Variants in THSD7B observed in about 807,000 individuals in gnomAD.
THSD7B encodes the protein thrombospondin type 1 domain containing 7B, also known as thrombospondin type-1 domain-containing protein 7B.
A neutral mutation model predicts 213.6 loss-of-function variants in THSD7B; 138 were observed. The observed-to-expected ratio is 0.65, with a 90% confidence interval of 0.56 to 0.74. THSD7B has a LOEUF of 0.74. THSD7B is among the 30% of genes least tolerant of loss of function. The probability of loss-of-function intolerance (pLI) is 0.00; values close to 1 mark genes in which losing one functional copy is unlikely to be tolerated. For missense variants in THSD7B, 1,931 were observed against 1,991.5 expected, an observed-to-expected ratio of 0.97 and a Z score of 0.58; for synonymous variants, 742 against 687.0, an observed-to-expected ratio of 1.08 and a Z score of -1.25.
At chr2:137,666,509 T>G (rs1024980965) in intron 26 of THSD7B, among the ~76,000 whole-genome samples, 1 of 151,706 alleles carries the variant, frequency 6.6e-6, no homozygotes, top group Non-Finnish European at 1.5e-5. Context: ...TCAAAACAAG[T>G]GTTGTTTACA....
intron 2 of THSD7B, among the ~76,000 whole-genome samples, chr2:137,007,642 G>A (rs1026942186): frequency 6.6e-6 from 1 of 152,064 alleles, no homozygotes; most frequent in African/African-American, 2.4e-5. Context: ...TGTTGCAAAG[G>A]TACAACACAA....
chr2:136,994,774 C>G lies in THSD7B; in HGVS notation c.140-61646C>G, dbSNP rs555999221. ...ATTATATAAATAATAAGCATCAATA[C>G]TAACATTCAAATACAGATTACCCTC... On this transcript the variant is annotated intron_variant, in intron 2 of 27. Coordinates refer to ENST00000409968, the MANE Select transcript of THSD7B (RefSeq NM_001316349.2). Among the ~76,000 whole-genome samples the G allele has an allele frequency of 3.9e-5, 6 of 152,270 alleles. No individual in the cohort carries two copies. In the South Asian group the frequency reaches 1.2e-3, roughly 32 times the overall value.
intron 7 of THSD7B, among the ~76,000 whole-genome samples, chr2:137,229,007 G>A (rs1309528522): frequency 6.6e-6 from 1 of 152,160 alleles, no homozygotes; most frequent in Non-Finnish European, 1.5e-5. Context: ...TTCCAAAAGT[G>A]TGGCCCTCGA....
intron 4 of THSD7B, among the ~76,000 whole-genome samples, chr2:137,101,775 A>AAGTTCAAACTGGGTGG (rs1688155330): frequency 6.6e-6 from 1 of 152,150 alleles, no homozygotes; most frequent in Non-Finnish European, 1.5e-5. Flanking sequence ...AGCTGCTGGG[A>AAGTTCAAACTGGGTGG]AGTTCAAACT....
At position 136,882,095 on chromosome 2, in the gene THSD7B, T is replaced by C. The variant is rs148332719; in HGVS notation, c.-35-49T>C. 3.7e-4 allele frequency: 498 copies of C among 1,352,746 alleles called. 3 individuals carry two copies. The African/African-American group carries it at 6.3e-3, about 17-fold the overall frequency. The allele number at this position is 1,352,746 out of a possible 1,614,324, so 83.8% of individuals were successfully genotyped here. On this transcript the variant is annotated intron_variant, in intron 1 of 27. Coordinates refer to ENST00000409968, the MANE Select transcript of THSD7B (RefSeq NM_001316349.2). ...TTCTAGCAGTCAAAATGAGTTGTTA[T>C]CTTTTCTTTACAGAAGAAACTTACC... is the stretch of plus-strand genomic sequence containing the variant.
chr2:137,521,460 G>GA (rs1245617005), intron 15 of THSD7B, among the ~76,000 whole-genome samples: 2 of 151,776 alleles, frequency 1.3e-5, no homozygotes, highest in Admixed American at 1.3e-4. Flanking sequence ...TTCATCTAAG[G>GA]AAAAAAAGCC....
intron 2 of THSD7B, among the ~76,000 whole-genome samples, chr2:136,890,367 CTT>C (rs1683805333): frequency 2.3e-4 from 1 of 4,344 alleles, no homozygotes; most frequent in African/African-American, 7.9e-4. Flanking sequence ...TCTTCTTCTT[CTT>C]CTTCTTCCTC....
intron 2 of THSD7B, among the ~76,000 whole-genome samples, chr2:137,006,011 G>A (rs543670509): frequency 1.3e-5 from 2 of 152,188 alleles, no homozygotes; most frequent in African/African-American, 4.8e-5. Flanking sequence ...AGGCTGAATG[G>A]AAAACCATTT....
intron 1 of THSD7B, among the ~76,000 whole-genome samples, chr2:136,840,243 G>T (rs1682902165): frequency 6.6e-6 from 1 of 152,064 alleles, no homozygotes; most frequent in Non-Finnish European, 1.5e-5. Flanking sequence ...GCCAGGAGTG[G>T]TGGTGCATGC....
intron 9 of THSD7B, among the ~76,000 whole-genome samples, chr2:137,242,163 T>C (rs1383799059): frequency 1.3e-5 from 2 of 152,226 alleles, no homozygotes; most frequent in African/African-American, 4.8e-5. Context: ...TAGTTGATGC[T>C]GATGGTGAGA....
At chr2:137,588,362 C>G (rs1681787906) in intron 17 of THSD7B, among the ~76,000 whole-genome samples, 1 of 152,272 alleles carries the variant, frequency 6.6e-6, no homozygotes, top group African/African-American at 2.4e-5. Flanking sequence ...GTCCAACAAG[C>G]CCCAGTGAGA....
intron 1 of THSD7B, among the ~76,000 whole-genome samples, chr2:136,863,054 C>T (rs1683278968): frequency 6.6e-6 from 1 of 152,204 alleles, no homozygotes; most frequent in Non-Finnish European, 1.5e-5. Flanking sequence ...TGTGTTTCCC[C>T]ATGCTCCAAC....
intron 3 of THSD7B, among the ~76,000 whole-genome samples, chr2:137,093,572 G>A (rs1003869947): frequency 1.7e-4 from 26 of 152,066 alleles, no homozygotes; most frequent in Admixed American, 6.5e-4. Flanking sequence ...ATATGCTATC[G>A]TTTTACTTTA....
chr2:136,952,111 TCCAC>T (rs1450979963), intron 2 of THSD7B, among the ~76,000 whole-genome samples: 1 of 152,084 alleles, frequency 6.6e-6, no homozygotes, highest in African/African-American at 2.4e-5. Context: ...TCATGATCTG[TCCAC>T]CTCAGCCTCC....
At chr2:137,356,933 GAC>G (rs1032467346) in intron 12 of THSD7B, among the ~76,000 whole-genome samples, 83 of 135,038 alleles carry the variant, frequency 6.1e-4, no homozygotes, top group African/African-American at 1.9e-3. Flanking sequence ...TCTTTTCCAA[GAC>G]ACACACACAC....
In THSD7B at chr2:137,357,051, G is replaced by A. The variant is rs138250051; in HGVS notation, c.2501-48562G>A. On this transcript the variant is annotated intron_variant, in intron 12 of 27. Transcript: ENST00000409968. ...ACATTGTTATGCTTGGCTTGGAAAT[G>A]TATTATGTGATCATAGGAAGTATAT... Among the ~76,000 whole-genome samples the A allele has an allele frequency of 5.1e-3, 777 of 151,262 alleles. 5 individuals carry two copies. The highest frequency in any genetic ancestry group is 0.018 in the African/African-American group (737 of 41,180).
intron 3 of THSD7B, among the ~76,000 whole-genome samples, chr2:137,088,181 A>T (rs1044783699): frequency 1.3e-5 from 2 of 152,144 alleles, no homozygotes; most frequent in African/African-American, 4.8e-5. Flanking sequence ...TGGAGGTTGC[A>T]GTAAGCTGAG....
intron 3 of THSD7B, among the ~76,000 whole-genome samples, chr2:137,076,676 G>A (rs890197335): frequency 3.3e-5 from 5 of 152,176 alleles, no homozygotes; most frequent in Non-Finnish European, 2.9e-5. Flanking sequence ...CATCTTCTGC[G>A]TCACTCACGC....
chr2:137,498,253 C>A (rs1679617825), intron 15 of THSD7B, among the ~76,000 whole-genome samples: 1 of 151,992 alleles, frequency 6.6e-6, no homozygotes, highest in South Asian at 2.1e-4. Flanking sequence ...TGCCAAGATA[C>A]CGTGTTAGGC....
Sources: allele counts gnomAD v4.1 joint callset (sites outside exome capture counted in the v4.1 genomes callset), GRCh38; gene constraint gnomAD v4.1.1; transcripts MANE v1.5; gene names NCBI Gene and HGNC (gene_info 2026-07-23, HGNC 2026-07-21).